MARCHF1: variants seen among roughly 807,000 people sequenced by gnomAD.
MARCHF1 encodes E3 ubiquitin-protein ligase MARCHF1.
Under a neutral mutation model 54.2 loss-of-function variants are expected in MARCHF1, and 40 were observed. The ratio of observed to expected loss-of-function variants is 0.74; its 90% CI spans 0.57 to 0.96. MARCHF1 has a LOEUF of 0.96. Among genes scored for constraint, MARCHF1 ranks in the 40% least tolerant of loss-of-function variants. The pLI is 0.00. For missense variants in MARCHF1, 586 were observed against 656.5 expected (o/e 0.89, Z 1.17); for synonymous variants, 236 against 236.3 (o/e 1.00, Z 0.01).
intron 1 of MARCHF1, among the ~76,000 whole-genome samples, chr4:164,331,059 G>A (rs1364580462): frequency 6.6e-6 from 1 of 152,050 alleles, no homozygotes; most frequent in Non-Finnish European, 1.5e-5. Flanking sequence ...ACACCATTCT[G>A]ATGAAAAGTT....
chr4:163,541,457 T>G (rs1051052148), intron 9 of MARCHF1, among the ~76,000 whole-genome samples: 1 of 152,212 alleles, frequency 6.6e-6, no homozygotes, highest in African/African-American at 2.4e-5. Context: ...ATAACAACTG[T>G]TGCCCAAATT....
In MARCHF1 at chr4:164,033,522, T is replaced by C. The variant is rs1022136605; in HGVS notation, c.-247-44813A>G. Among the ~76,000 whole-genome samples, 7 of 152,078 alleles carry C rather than the reference T, an allele frequency of 4.6e-5. No homozygotes were observed. The East Asian group carries it at 1.3e-3, about 29-fold the overall frequency. On this transcript the variant is annotated intron_variant, in intron 2 of 9. Transcript: ENST00000514618. ...AATGGGAGAAAATTTTTGCAATCTA[T>C]CCATCTGACAAAGGTCTAATATCCA... is the stretch of plus-strand genomic sequence containing the variant.
At chr4:163,749,995 G>A (rs113978395) in intron 4 of MARCHF1, among the ~76,000 whole-genome samples, 2 of 151,940 alleles carry the variant, frequency 1.3e-5, no homozygotes, top group African/African-American at 4.8e-5. Flanking sequence ...CTTGAACGTG[G>A]GAGGCAAAGG....
rs774603753 is a variant in MARCHF1 at position 163,828,054 on chromosome 4, C to CACACACACACACAGAG, written c.111+25966_111+25967insCTCTGTGTGTGTGTGT. ...ACACACACACACACACACACACACA[C>CACACACACACACAGAG]AGACACACCTTGTCATTCTCCTCCT... is the stretch of plus-strand genomic sequence containing the variant. On this transcript the variant is annotated intron_variant, in intron 4 of 9. Transcript: ENST00000514618. Among the ~76,000 whole-genome samples the CACACACACACACAGAG allele has an allele frequency of 1.9e-3, 283 of 148,308 alleles. 3 individuals are homozygous for CACACACACACACAGAG. Among genetic ancestry groups the CACACACACACACAGAG allele is most frequent in the East Asian group, 0.01 (50 of 4,912 alleles).
chr4:164,006,636 C>T (rs1304700809), intron 2 of MARCHF1, among the ~76,000 whole-genome samples: 1 of 151,968 alleles, frequency 6.6e-6, no homozygotes, highest in East Asian at 1.9e-4. Context: ...CCTAAGAACA[C>T]TAAGCATATT....
chr4:164,332,965 A>G (rs1729603812), intron 1 of MARCHF1, among the ~76,000 whole-genome samples: 1 of 152,132 alleles, frequency 6.6e-6, no homozygotes, highest in East Asian at 1.9e-4. Flanking sequence ...GCTAAATTTT[A>G]GGGAATATTA....
Position 163,827,763 on chromosome 4 carries a change from C to A in MARCHF1, c.111+26258G>T, listed in dbSNP as rs936115949. ...CTTTGTATACTATGTATACACTGAA[C>A]CTTATTTTGCAATTTTGCAAAACTG... is the stretch of plus-strand genomic sequence containing the variant. On this transcript the variant is annotated intron_variant, in intron 4 of 9. Transcript: ENST00000514618. 5.9e-4 allele frequency among the ~76,000 whole-genome samples: 89 copies of A among 152,062 alleles called. 1 individual carries two copies. Among genetic ancestry groups the A allele is most frequent in the Admixed American group, 2.2e-3 (34 of 15,234 alleles).
In MARCHF1 at chr4:163,830,084, T is replaced by G. The variant is rs1378923163; in HGVS notation, c.111+23937A>C. ...TAATTAAAGCCTCCAAAAGCTTAACTCAAATGTTCAAAAAGTTCTGAAATA... is the reference window on the plus strand; with the variant it reads ...TAATTAAAGCCTCCAAAAGCTTAACGCAAATGTTCAAAAAGTTCTGAAATA... On this transcript the variant is annotated intron_variant, in intron 4 of 9. Transcript: ENST00000514618. 5.3e-5 allele frequency among the ~76,000 whole-genome samples: 8 copies of G among 152,252 alleles called. No individual in the cohort carries two copies. The East Asian group carries it at 1.4e-3, about 26-fold the overall frequency.
chr4:164,184,821 T>C (rs1730926172), intron 1 of MARCHF1, among the ~76,000 whole-genome samples: 1 of 152,194 alleles, frequency 6.6e-6, no homozygotes, highest in African/African-American at 2.4e-5. Flanking sequence ...TGAGTGATTA[T>C]AAATGGATCC....
At chr4:164,142,814 T>C (rs1437150837) in intron 1 of MARCHF1, among the ~76,000 whole-genome samples, 2 of 152,276 alleles carry the variant, frequency 1.3e-5, no homozygotes, top group East Asian at 3.9e-4. Context: ...GGAACAAAGC[T>C]GGACGGAGAA....
At chr4:164,287,412 C>T (rs887988116) in intron 1 of MARCHF1, among the ~76,000 whole-genome samples, 2 of 152,142 alleles carry the variant, frequency 1.3e-5, no homozygotes, top group African/African-American at 2.4e-5. Context: ...AAACAGTTGC[C>T]GTGTCGTAAG....
At chr4:164,101,756 G>A (rs1438384298) in intron 2 of MARCHF1, among the ~76,000 whole-genome samples, 36 of 147,248 alleles carry the variant, frequency 2.4e-4, no homozygotes, top group Non-Finnish European at 4.8e-4. Flanking sequence ...GAACAAAGCT[G>A]GATGGAGAAT....
intron 2 of MARCHF1, among the ~76,000 whole-genome samples, chr4:164,064,468 T>C (rs1467370966): frequency 6.6e-6 from 1 of 152,226 alleles, no homozygotes; most frequent in South Asian, 2.1e-4. Flanking sequence ...TGTTGGTTTA[T>C]AGGAATGCTA....
chr4:163,958,391 A>G (rs1354274889), intron 3 of MARCHF1, among the ~76,000 whole-genome samples: 2 of 152,010 alleles, frequency 1.3e-5, no homozygotes, highest in African/African-American at 4.8e-5. Flanking sequence ...TCATTTCCCA[A>G]TGGATATTCA....
chr4:163,645,989 A>G (rs1350318018), intron 5 of MARCHF1, among the ~76,000 whole-genome samples: 1 of 152,198 alleles, frequency 6.6e-6, no homozygotes, highest in Non-Finnish European at 1.5e-5. Flanking sequence ...AAAACTTTCT[A>G]AATCTTGGAG....
intron 5 of MARCHF1, among the ~76,000 whole-genome samples, chr4:163,631,814 A>C (rs1226788463): frequency 6.6e-6 from 1 of 152,256 alleles, no homozygotes. Context: ...GAGATAAATC[A>C]GCCTACATCA....
chr4:164,189,904 T>C, intron 1 of MARCHF1: 3 of 1,576,720 alleles, frequency 1.9e-6, no homozygotes, highest in Non-Finnish European at 2.6e-6. Flanking sequence ...ATTCTTCGAG[T>C]GACAGCTGAA....
At chr4:164,030,029 T>A (rs992574261) in intron 2 of MARCHF1, among the ~76,000 whole-genome samples, 4 of 152,150 alleles carry the variant, frequency 2.6e-5, no homozygotes, top group African/African-American at 9.7e-5. Flanking sequence ...AAACACCAGA[T>A]AAAGAGAAAA....
At chr4:164,015,369 G>T (rs1208534274) in intron 2 of MARCHF1, among the ~76,000 whole-genome samples, 1 of 151,994 alleles carries the variant, frequency 6.6e-6, no homozygotes, top group Non-Finnish European at 1.5e-5. Context: ...AAACACTAGG[G>T]TAACACTCCA....
Sources: allele counts gnomAD v4.1 joint callset (sites outside exome capture counted in the v4.1 genomes callset), GRCh38; gene constraint gnomAD v4.1.1; transcripts MANE v1.5; gene names NCBI Gene and HGNC (gene_info 2026-07-23, HGNC 2026-07-21).